The following DOCK2 variants were observed in gnomAD, a reference collection of about 807,000 sequenced individuals.
DOCK2 encodes the protein dedicator of cytokinesis 2.
DOCK2 carries 87 observed loss-of-function variants against 248.9 expected under a neutral mutation model. The observed-to-expected ratio is 0.35, with a 90% confidence interval of 0.29 to 0.42. The LOEUF is 0.42. DOCK2 is among the 10% of genes least tolerant of loss of function. The probability of loss-of-function intolerance (pLI) is 1.00; values close to 1 mark genes in which losing one functional copy is unlikely to be tolerated. For synonymous variants in DOCK2, 805 were observed against 821.6 expected (o/e 0.98, Z 0.35); for missense variants, 1,747 against 2,300.2 (o/e 0.76, Z 4.92).
chr5:169,949,404 G>A (rs1015071864), intron 27 of DOCK2, among the ~76,000 whole-genome samples: 3 of 152,154 alleles, frequency 2.0e-5, no homozygotes, highest in Admixed American at 1.3e-4. Flanking sequence ...TGCCTGAAGG[G>A]ATGGCTTTTG....
At position 169,956,001 on chromosome 5, in the gene DOCK2, G is replaced by A. The variant is rs1202141461; in HGVS notation, c.2800-27067G>A. ...GAACAGGGTGTGGCTCTGGAGCTCA[G>A]GGAAACAAAGAGTCAAATGTGGGGG... is the stretch of plus-strand genomic sequence containing the variant. On this transcript the variant is annotated intron_variant, in intron 27 of 51. Transcript: ENST00000520908. 7.3e-5 allele frequency among the ~76,000 whole-genome samples: 11 copies of A among 151,538 alleles called. No individual in the cohort carries two copies. In the South Asian group the frequency reaches 2.1e-3, roughly 29 times the overall value.
intron 23 of DOCK2, among the ~76,000 whole-genome samples, chr5:169,756,499 C>T (rs1023892126): frequency 2.0e-5 from 3 of 152,148 alleles, no homozygotes; most frequent in African/African-American, 7.2e-5. Context: ...CAGCACACAC[C>T]ATCATGAAGA....
At chr5:170,058,435 G>GA (rs1757212927) in intron 44 of DOCK2, among the ~76,000 whole-genome samples, 1 of 152,172 alleles carries the variant, frequency 6.6e-6, no homozygotes, top group South Asian at 2.1e-4. Context: ...AACTGTGATG[G>GA]AAAAAATTAA....
chr5:169,911,030 C>T (rs1248131491), intron 27 of DOCK2, among the ~76,000 whole-genome samples: 1 of 152,174 alleles, frequency 6.6e-6, no homozygotes, highest in Non-Finnish European at 1.5e-5. Context: ...AGCATTTCTA[C>T]CTTTGCTGAT....
chr5:170,020,080 C>G (rs1026262367), intron 33 of DOCK2, among the ~76,000 whole-genome samples: 3 of 152,260 alleles, frequency 2.0e-5, no homozygotes, highest in Middle Eastern at 3.4e-3. Flanking sequence ...AGAATAAAGC[C>G]CACACCCTCT....
intron 22 of DOCK2, among the ~76,000 whole-genome samples, chr5:169,720,308 T>C (rs912447611): frequency 5.3e-5 from 8 of 152,240 alleles, no homozygotes; most frequent in Non-Finnish European, 1.2e-4. Context: ...GTCAAGGATA[T>C]CTTATCCCAT....
At chr5:169,978,819 G>A (rs1039353437) in intron 27 of DOCK2, among the ~76,000 whole-genome samples, 5 of 152,138 alleles carry the variant, frequency 3.3e-5, no homozygotes, top group African/African-American at 1.2e-4. Flanking sequence ...AAGTGCCTGC[G>A]ATGATTGCAC....
intron 30 of DOCK2, among the ~76,000 whole-genome samples, chr5:170,003,593 T>C (rs1185536943): frequency 6.6e-6 from 1 of 152,164 alleles, no homozygotes; most frequent in Non-Finnish European, 1.5e-5. Context: ...TCCCTGCAGG[T>C]GTGAGAACCA....
intron 41 of DOCK2, among the ~76,000 whole-genome samples, chr5:170,053,857 T>G (rs938870042): frequency 1.3e-5 from 2 of 152,170 alleles, no homozygotes; most frequent in Non-Finnish European, 2.9e-5. Context: ...TCATTTCTTA[T>G]GTGTGAAAGA....
At position 169,945,683 on chromosome 5, in the gene DOCK2, C is replaced by G. The variant is rs77468547; in HGVS notation, c.2800-37385C>G. 9.8e-3 allele frequency among the ~76,000 whole-genome samples: 1,485 copies of G among 152,282 alleles called. 75 individuals are homozygous for G. The East Asian group carries it at 0.13, about 14-fold the overall frequency. ...ACACGGGTACTAGGAAGGAGTAGAA[C>G]GGAGGCTGGATGTGCTCCTCCCGCT... On this transcript the variant is annotated intron_variant, in intron 27 of 51. Coordinates refer to ENST00000520908, the MANE Select transcript of DOCK2 (RefSeq NM_004946.3).
At chr5:169,864,562 A>C in intron 27 of DOCK2, 1 of 946,240 alleles carries the variant, frequency 1.1e-6, no homozygotes, top group Non-Finnish European at 1.5e-6. Context: ...GAGCTTTGGG[A>C]TCAAATCCTA....
chr5:170,055,147 TC>T (rs1488173126), intron 41 of DOCK2, among the ~76,000 whole-genome samples, 157 bp from the exon 42 acceptor site: 1 of 152,170 alleles, frequency 6.6e-6, no homozygotes, highest in East Asian at 1.9e-4. Context: ...GACTAACTAG[TC>T]ATTAGTGCCT....
intron 27 of DOCK2, chr5:169,884,807 CGAG>C (rs1023131850): frequency 9.8e-5 from 15 of 152,310 alleles, no homozygotes; most frequent in African/African-American, 3.6e-4. Flanking sequence ...TGCAAGCAGG[CGAG>C]GAGCACCTGA....
Position 169,716,254 on chromosome 5 carries a change from G to A in DOCK2, c.1983G>A (p.Met661Ile), listed in dbSNP as rs371790704. ...TGGATGCCCTCTTCAACATCATGAT[G>A]GAGCATTCTCAAAGTGATGAATATG... Reference protein sequence around the residue: ...DTLDALFNIMMEHSQSDEYDI... With the variant: ...DTLDALFNIMIEHSQSDEYDI... Residue 661 changes from methionine (M) to isoleucine (I), a missense_variant, in exon 20 of 52, where the codon ATG (methionine) becomes ATA (isoleucine). Around this residue, in one of 4 missense-constraint regions of DOCK2, gnomAD observed 858 missense variants for 1,183.5 expected, o/e 0.72. Coordinates refer to ENST00000520908, the MANE Select transcript of DOCK2 (RefSeq NM_004946.3). 2.5e-6 allele frequency: 4 copies of A among 1,613,630 alleles called. No individual in the cohort carries two copies. The African/African-American group carries it at 4.0e-5, about 16-fold the overall frequency.
At chr5:169,948,187 T>G (rs7719449) in intron 27 of DOCK2, among the ~76,000 whole-genome samples, 37,446 of 152,034 alleles carry the variant, frequency 0.25, 4,891 homozygotes, top group Non-Finnish European at 0.28. Flanking sequence ...TGACAAATAG[T>G]TATTTGTCTG....
intron 25 of DOCK2, among the ~76,000 whole-genome samples, chr5:169,777,137 C>T (rs1253759804): frequency 6.6e-6 from 1 of 152,134 alleles, no homozygotes. Context: ...TTTTGACTCT[C>T]CCTTTTCCCT....
intron 25 of DOCK2, among the ~76,000 whole-genome samples, chr5:169,778,669 A>T (rs2113794000): frequency 6.6e-6 from 1 of 152,368 alleles, no homozygotes; most frequent in South Asian, 2.1e-4. Context: ...TGTGTGCATT[A>T]AAGAATTTGC....
intron 27 of DOCK2, among the ~76,000 whole-genome samples, chr5:169,903,608 A>G (rs1038239516): frequency 2.6e-5 from 4 of 152,140 alleles, no homozygotes; most frequent in Non-Finnish European, 5.9e-5. Flanking sequence ...GTAGGTACAA[A>G]GGCCTCCAAG....
At chr5:169,852,748 C>G (rs938082844) in intron 27 of DOCK2, among the ~76,000 whole-genome samples, 6 of 152,236 alleles carry the variant, frequency 3.9e-5, no homozygotes, top group Admixed American at 2.6e-4. Flanking sequence ...AATAAGATTA[C>G]AAATTATTTT....
Sources: gnomAD v4.1 joint callset for allele counts (sites outside exome capture counted in the v4.1 genomes callset) on GRCh38, gnomAD v4.1.1 for gene constraint, gnomAD v4.1.1 regional missense constraint, MANE v1.5 for transcripts, NCBI Gene and HGNC (gene_info 2026-07-23, HGNC 2026-07-21) for gene names.